The following FOXP1 variants were observed in gnomAD, a reference collection of about 807,000 sequenced individuals.
FOXP1 encodes the protein forkhead box P1, also known as forkhead box protein P1.
Under a neutral mutation model 98.2 loss-of-function variants are expected in FOXP1, and 15 were observed. That is an observed-to-expected ratio of 0.15 (90% CI 0.10 to 0.24). The LOEUF (loss-of-function observed/expected upper bound fraction) is 0.24. Ranked by LOEUF, FOXP1 falls within the 10% of genes least tolerant of loss-of-function variation. FOXP1 has a pLI of 1.00. For synonymous variants in FOXP1, 371 were observed against 314.5 expected (o/e 1.18, Z -1.90); for missense variants, 633 against 848.5 (o/e 0.75, Z 3.15).
intron 5 of FOXP1, among the ~76,000 whole-genome samples, chr3:71,232,480 T>C (rs2066370107): frequency 6.6e-6 from 1 of 152,182 alleles, no homozygotes; most frequent in Non-Finnish European, 1.5e-5. Context: ...GTCATCTCCA[T>C]GGTAGTACAC....
chr3:71,408,190 A>G (rs1404180128), intron 3 of FOXP1, among the ~76,000 whole-genome samples: 2 of 152,180 alleles, frequency 1.3e-5, no homozygotes, highest in African/African-American at 4.8e-5. Context: ...TTAATTTGCA[A>G]CAGGCGGAAA....
In FOXP1 at chr3:70,955,703, ATTTTTTAAAC is replaced by A. The variant is rs2031596528; in HGVS notation, c.*3534_*3543del. ...AATATTTACTGCAGCAGGAGAAAACATTTTTTAAACAACATTTTTTTTTCTTTTCAAATGT... is the reference window on the plus strand; with the variant it reads ...AATATTTACTGCAGCAGGAGAAAACAAACATTTTTTTTTCTTTTCAAATGT... On this transcript the variant is annotated 3_prime_UTR_variant, in exon 21 of 21. Coordinates refer to ENST00000649528, the MANE Select transcript of FOXP1 (RefSeq NM_001349338.3). 2 of 233,412 alleles carry A rather than the reference ATTTTTTAAAC, an allele frequency of 8.6e-6. No homozygotes were observed. The highest frequency in any genetic ancestry group is 1.7e-5 in the Non-Finnish European group (2 of 118,022). 14.5% of individuals were successfully genotyped at this position (233,412 alleles called of 1,614,324 possible).
At chr3:71,353,568 G>A (rs1299085455) in intron 4 of FOXP1, among the ~76,000 whole-genome samples, 5 of 152,006 alleles carry the variant, frequency 3.3e-5, no homozygotes, top group Non-Finnish European at 7.4e-5. Context: ...CACGTTTGAT[G>A]CCTTAAACTA....
chr3:71,442,621 C>G (rs552210479), intron 3 of FOXP1, among the ~76,000 whole-genome samples: 2 of 152,310 alleles, frequency 1.3e-5, no homozygotes, highest in African/African-American at 4.8e-5. Flanking sequence ...AGTAATAATG[C>G]CACAGAGAAG....
At chr3:71,240,133 G>T (rs899179268) in intron 5 of FOXP1, among the ~76,000 whole-genome samples, 2 of 152,256 alleles carry the variant, frequency 1.3e-5, no homozygotes, top group African/African-American at 4.8e-5. Context: ...TAAGGAAGTA[G>T]CCTGCAGCAG....
chr3:70,991,243 C>G (rs1425153657), intron 13 of FOXP1, among the ~76,000 whole-genome samples: 1 of 152,170 alleles, frequency 6.6e-6, no homozygotes, highest in Non-Finnish European at 1.5e-5. Flanking sequence ...AAGCCCACTT[C>G]CTATCAATTT....
chr3:71,356,079 T>C (rs562793651), intron 4 of FOXP1, among the ~76,000 whole-genome samples: 46 of 151,974 alleles, frequency 3.0e-4, no homozygotes, highest in Middle Eastern at 3.4e-3. Flanking sequence ...GAGGATGAGG[T>C]GGCAGAAGAT....
At chr3:71,248,176 G>A (rs1370045614) in intron 5 of FOXP1, among the ~76,000 whole-genome samples, 1 of 152,148 alleles carries the variant, frequency 6.6e-6, no homozygotes, top group Non-Finnish European at 1.5e-5. Flanking sequence ...GTGCCACACA[G>A]GAGCCCAAAA....
At chr3:71,409,936 G>A (rs1013062688) in intron 3 of FOXP1, among the ~76,000 whole-genome samples, 1 of 152,100 alleles carries the variant, frequency 6.6e-6, no homozygotes, top group African/African-American at 2.4e-5. Context: ...GATAACCTGA[G>A]ACCCAGAGGT....
intron 11 of FOXP1, among the ~76,000 whole-genome samples, chr3:71,024,134 C>T (rs553452002): frequency 2.6e-5 from 4 of 152,100 alleles, no homozygotes; most frequent in Admixed American, 6.6e-5. Context: ...ACTGTAGCAT[C>T]GGAGGAAAAG....
intron 17 of FOXP1, 87 bp from the exon 18 acceptor site, chr3:70,972,763 A>G: frequency 7.2e-7 from 1 of 1,395,326 alleles, no homozygotes; most frequent in Non-Finnish European, 1.0e-6. Flanking sequence ...AACAGTCCAC[A>G]TTTGTAAAAC....
At chr3:71,493,723 A>G (rs2091221002) in intron 2 of FOXP1, among the ~76,000 whole-genome samples, 168 bp from the exon 3 acceptor site, 1 of 152,236 alleles carries the variant, frequency 6.6e-6, no homozygotes, top group Non-Finnish European at 1.5e-5. Flanking sequence ...ATGAACCGGA[A>G]ATACTGTTTT....
chr3:71,570,111 C>A (rs921413552), intron 2 of FOXP1: 1 of 152,220 alleles, frequency 6.6e-6, no homozygotes, highest in African/African-American at 2.4e-5. Context: ...TCTTCTGGAG[C>A]TCTGACAAGT....
intron 3 of FOXP1, among the ~76,000 whole-genome samples, chr3:71,398,200 T>A (rs1186138003): frequency 6.6e-6 from 1 of 152,234 alleles, no homozygotes; most frequent in Non-Finnish European, 1.5e-5. Flanking sequence ...CTTAGAAGCA[T>A]CTATCTAATC....
chr3:71,314,250 G>C (rs1398293624), intron 4 of FOXP1, among the ~76,000 whole-genome samples: 1 of 152,050 alleles, frequency 6.6e-6, no homozygotes, highest in Non-Finnish European at 1.5e-5. Context: ...TAGCTGGCTG[G>C]CCAGGCATGG....
intron 5 of FOXP1, among the ~76,000 whole-genome samples, chr3:71,283,940 C>T (rs1313491798): frequency 6.6e-6 from 1 of 152,172 alleles, no homozygotes; most frequent in Non-Finnish European, 1.5e-5. Flanking sequence ...ATCACCCTGG[C>T]TTTCCCAGTA....
In FOXP1 at chr3:71,406,409, A is replaced by G. The variant is rs970939445; in HGVS notation, c.-167-47165T>C. On this transcript the variant is annotated intron_variant, in intron 3 of 20. Coordinates refer to ENST00000649528, the MANE Select transcript of FOXP1 (RefSeq NM_001349338.3). Reference sequence around the variant, plus strand: ...TGACACATAATAACTGTATGTGTATATATATATATATATATGGTACAGTAT... The same window carrying G: ...TGACACATAATAACTGTATGTGTATGTATATATATATATATGGTACAGTAT... Among the ~76,000 whole-genome samples, 34 of 135,116 alleles carry G rather than the reference A, an allele frequency of 2.5e-4. 3 individuals are homozygous for G. Among genetic ancestry groups the G allele is most frequent in the African/African-American group, 4.4e-4 (16 of 36,416 alleles). The allele number at this position is 135,116 out of a possible 152,430, so 88.6% of individuals were successfully genotyped here. A position where few individuals can be genotyped will look rare whatever the true frequency, so the allele number is the denominator to read the frequency against.
In FOXP1 at chr3:71,085,735, C is replaced by CTTTTTTTTTTTTTTTTTT. The variant is rs56318177; in HGVS notation, c.282+26800_282+26801insAAAAAAAAAAAAAAAAAA. On this transcript the variant is annotated intron_variant, in intron 7 of 20. Coordinates refer to ENST00000649528, the MANE Select transcript of FOXP1 (RefSeq NM_001349338.3). Reference sequence around the variant, plus strand: ...TTGTATGGTGGGTATCATTTATGGCCTTTTTTTTTTTTTTACATGGAGTCT... The same window carrying CTTTTTTTTTTTTTTTTTT: ...TTGTATGGTGGGTATCATTTATGGCCTTTTTTTTTTTTTTTTTTTTTTTTTTTTTTTTACATGGAGTCT... Among the ~76,000 whole-genome samples the CTTTTTTTTTTTTTTTTTT allele has an allele frequency of 5.4e-4, 20 of 37,036 alleles. 8 individuals are homozygous for CTTTTTTTTTTTTTTTTTT. The highest frequency in any genetic ancestry group is 8.1e-4 in the Non-Finnish European group (17 of 21,082). 24.3% of individuals were successfully genotyped at this position (37,036 alleles called of 152,430 possible).
intron 6 of FOXP1, among the ~76,000 whole-genome samples, chr3:71,183,194 A>G (rs927002659): frequency 6.6e-6 from 1 of 151,988 alleles, no homozygotes; most frequent in Non-Finnish European, 1.5e-5. Context: ...GGTGATGATG[A>G]TAAGAATACC....
Sources: allele counts gnomAD v4.1 joint callset (sites outside exome capture counted in the v4.1 genomes callset), GRCh38; gene constraint gnomAD v4.1.1; transcripts MANE v1.5; gene names NCBI Gene and HGNC (gene_info 2026-07-23, HGNC 2026-07-21).